Variants in DAB1 observed in about 807,000 individuals in gnomAD.
The protein encoded by DAB1 is disabled homolog 1.
A neutral mutation model predicts 64.6 loss-of-function variants in DAB1; 15 were observed. The ratio of observed to expected loss-of-function variants is 0.23; its 90% CI spans 0.16 to 0.36. The LOEUF (loss-of-function observed/expected upper bound fraction) is 0.36, where lower values mean the gene tolerates loss of function less well. Ranked by LOEUF, DAB1 falls within the 10% of genes least tolerant of loss-of-function variation. The pLI, the probability that DAB1 is intolerant of heterozygous loss-of-function variation, is 1.00. For missense variants in DAB1, 596 were observed against 706.7 expected (o/e 0.84, Z 1.78); for synonymous variants, 235 against 251.9 (o/e 0.93, Z 0.64).
At chr1:58,497,145 C>T (rs1415207562) in intron 3 of DAB1, among the ~76,000 whole-genome samples, 2 of 152,076 alleles carry the variant, frequency 1.3e-5, no homozygotes, top group Non-Finnish European at 2.9e-5. Flanking sequence ...AGAAATACCA[C>T]GAAGAAGCAA....
chr1:58,268,332 A>C (rs2100424367), intron 4 of DAB1, among the ~76,000 whole-genome samples: 1 of 152,280 alleles, frequency 6.6e-6, no homozygotes, highest in Admixed American at 6.5e-5. Context: ...TAAGAATACA[A>C]ATATATAGAC....
Position 57,100,851 on chromosome 1 carries a change from G to A in DAB1, c.307-28437C>T, listed in dbSNP as rs144886643. Among the ~76,000 whole-genome samples the A allele has an allele frequency of 3.5e-3, 526 of 152,150 alleles. 5 individuals carry two copies. The highest frequency in any genetic ancestry group is 0.012 in the African/African-American group (515 of 41,502). On this transcript the variant is annotated intron_variant, in intron 4 of 14. Transcript: ENST00000371236. ...GTGTGCTTGGGAAATAAGATCCATG[G>A]TGGACATGAGGCAGGAGAGAAAAGC... is the stretch of plus-strand genomic sequence containing the variant.
At chr1:58,350,898 C>A (rs1644049110) in intron 3 of DAB1, among the ~76,000 whole-genome samples, 1 of 152,142 alleles carries the variant, frequency 6.6e-6, no homozygotes, top group Non-Finnish European at 1.5e-5. Context: ...CATGATGCCT[C>A]CAGCTTTGTC....
At chr1:57,316,887 T>C (rs1484499609) in intron 1 of DAB1, among the ~76,000 whole-genome samples, 1 of 152,194 alleles carries the variant, frequency 6.6e-6, no homozygotes, top group Non-Finnish European at 1.5e-5. Context: ...TGTCTAATAA[T>C]ATTCATGCCT....
At chr1:57,796,012 C>A (rs1040883009) in intron 6 of DAB1, among the ~76,000 whole-genome samples, 1 of 151,624 alleles carries the variant, frequency 6.6e-6, no homozygotes, top group Non-Finnish European at 1.5e-5. Flanking sequence ...TATATATGCA[C>A]GCTGTGGTAA....
At chr1:57,214,584 G>A (rs934435400) in intron 2 of DAB1, among the ~76,000 whole-genome samples, 28 of 152,120 alleles carry the variant, frequency 1.8e-4, no homozygotes, top group African/African-American at 6.8e-4. Context: ...CCTAGCCTAA[G>A]AGGAAGGGAG....
chr1:57,634,557 C>T (rs572672669), intron 7 of DAB1, among the ~76,000 whole-genome samples: 6 of 152,290 alleles, frequency 3.9e-5, no homozygotes, highest in Admixed American at 2.6e-4. Context: ...GTTTTCCTAA[C>T]GTGTAAAAAT....
intron 6 of DAB1, among the ~76,000 whole-genome samples, chr1:57,733,914 G>A (rs764357949): frequency 6.6e-6 from 1 of 152,048 alleles, no homozygotes; most frequent in Non-Finnish European, 1.5e-5. Flanking sequence ...ATCAGGAAGG[G>A]TCCCAGAAAT....
chr1:57,298,830 G>A (rs1367116744), intron 1 of DAB1, among the ~76,000 whole-genome samples: 1 of 152,172 alleles, frequency 6.6e-6, no homozygotes, highest in African/African-American at 2.4e-5. Flanking sequence ...TATATGTTTG[G>A]CTATGAGATT....
intron 4 of DAB1, among the ~76,000 whole-genome samples, chr1:58,241,562 T>C (rs495179): frequency 0.67 from 102,098 of 151,804 alleles, 35,231 homozygotes; most frequent in African/African-American, 0.75. Flanking sequence ...AAAAATCATA[T>C]ATAATGTAGA....
At chr1:58,453,431 C>G (rs536217902) in intron 3 of DAB1, among the ~76,000 whole-genome samples, 1 of 152,174 alleles carries the variant, frequency 6.6e-6, no homozygotes, top group South Asian at 2.1e-4. Context: ...TTCCTACTCG[C>G]GAGTCTTTGC....
At chr1:57,556,079 T>C (rs971769519) in intron 7 of DAB1, among the ~76,000 whole-genome samples, 124 of 152,300 alleles carry the variant, frequency 8.1e-4, no homozygotes, top group African/African-American at 3.0e-3. Context: ...TAATAAGATA[T>C]GCTTTAAGCA....
intron 1 of DAB1, among the ~76,000 whole-genome samples, chr1:57,388,818 AAT>A (rs34925493): frequency 0.03 from 4,556 of 151,856 alleles, 219 homozygotes; most frequent in African/African-American, 0.1. Context: ...CATGACCCTA[AAT>A]CTCTCTTCTT....
chr1:58,346,839 T>A (rs1644005394), intron 3 of DAB1, among the ~76,000 whole-genome samples: 1 of 152,220 alleles, frequency 6.6e-6, no homozygotes, highest in South Asian at 2.1e-4. Flanking sequence ...TTAAAACTCA[T>A]GAATTCTGTG....
At chr1:57,532,920 C>T (rs1287646536) in intron 7 of DAB1, among the ~76,000 whole-genome samples, 1 of 152,060 alleles carries the variant, frequency 6.6e-6, no homozygotes, top group East Asian at 1.9e-4. Flanking sequence ...CATTTAATAA[C>T]CCCTAGTAAC....
intron 4 of DAB1, among the ~76,000 whole-genome samples, chr1:58,237,511 G>A (rs894962563): frequency 1.3e-5 from 2 of 152,036 alleles, no homozygotes; most frequent in African/African-American, 4.8e-5. Context: ...GTATCACCTT[G>A]GGGGTCATTT....
At chr1:58,329,168 G>T (rs1662915216) in intron 4 of DAB1, among the ~76,000 whole-genome samples, 2 of 152,108 alleles carry the variant, frequency 1.3e-5, no homozygotes, top group Non-Finnish European at 2.9e-5. Context: ...GATAAGCAAA[G>T]GAATAAAATG....
chr1:58,152,999 C>T (rs1361748699), intron 4 of DAB1, among the ~76,000 whole-genome samples: 2 of 152,156 alleles, frequency 1.3e-5, no homozygotes, highest in East Asian at 1.9e-4. Context: ...TCTGAGTACT[C>T]TTCTAGAAAG....
intron 7 of DAB1, among the ~76,000 whole-genome samples, chr1:57,537,956 G>C (rs1644750091): frequency 6.6e-6 from 1 of 152,094 alleles, no homozygotes. Flanking sequence ...GGGCATGCAA[G>C]GCTTTTTTTA....
Sources: gnomAD v4.1 joint callset for allele counts (sites outside exome capture counted in the v4.1 genomes callset) on GRCh38, gnomAD v4.1.1 for gene constraint, MANE v1.5 for transcripts, NCBI Gene and HGNC (gene_info 2026-07-23, HGNC 2026-07-21) for gene names.